KCNH1: variants seen among roughly 807,000 people sequenced by gnomAD.
KCNH1 encodes potassium voltage-gated channel subfamily H member 1.
Under a neutral mutation model 69.2 loss-of-function variants are expected in KCNH1, and 27 were observed. The ratio of observed to expected loss-of-function variants is 0.39; its 90% confidence interval spans 0.29 to 0.54. KCNH1 has a LOEUF of 0.54. Ranked by LOEUF, KCNH1 falls within the 20% of genes least tolerant of loss-of-function variation. KCNH1 has a pLI of 0.68. For synonymous variants in KCNH1, 456 were observed against 487.7 expected, an observed-to-expected ratio of 0.93 and a Z score of 0.86; for missense variants, 798 against 1,261.6, an observed-to-expected ratio of 0.63 and a Z score of 5.57.
At chr1:210,800,784 T>C (rs1684412716) in intron 8 of KCNH1, among the ~76,000 whole-genome samples, 1 of 152,014 alleles carries the variant, frequency 6.6e-6, no homozygotes, top group South Asian at 2.1e-4. Context: ...CTTGAAGGTC[T>C]CAAAGGCCAA....
chr1:211,107,717 T>C (rs1468248772), intron 1 of KCNH1, among the ~76,000 whole-genome samples: 2 of 152,188 alleles, frequency 1.3e-5, no homozygotes, highest in African/African-American at 2.4e-5. Flanking sequence ...GGTATACCAA[T>C]ATTACAGAGC....
chr1:211,124,544 T>C (rs1165118087), intron 1 of KCNH1, among the ~76,000 whole-genome samples: 1 of 151,940 alleles, frequency 6.6e-6, no homozygotes, highest in Non-Finnish European at 1.5e-5. Flanking sequence ...CTCAGAAGGC[T>C]AAGCCAGGGA....
At chr1:210,903,067 C>A (rs1177573742) in intron 7 of KCNH1, among the ~76,000 whole-genome samples, 2 of 152,160 alleles carry the variant, frequency 1.3e-5, no homozygotes, top group African/African-American at 4.8e-5. Flanking sequence ...TCATTCTCCT[C>A]AAATGCACTG....
intron 10 of KCNH1, among the ~76,000 whole-genome samples, chr1:210,734,627 C>T (rs1482413695): frequency 1.3e-5 from 2 of 152,032 alleles, no homozygotes; most frequent in East Asian, 3.9e-4. Flanking sequence ...AGAGGCACGG[C>T]CTTCCTGGGG....
At chr1:211,074,097 TAA>T (rs59971801) in intron 5 of KCNH1, among the ~76,000 whole-genome samples, 17 of 119,732 alleles carry the variant, frequency 1.4e-4, no homozygotes, top group African/African-American at 4.8e-4. Context: ...TTCCACCAAT[TAA>T]AAAAAAAAAA....
At chr1:210,912,608 G>C (rs901617176) in intron 7 of KCNH1, among the ~76,000 whole-genome samples, 3 of 152,178 alleles carry the variant, frequency 2.0e-5, no homozygotes, top group Non-Finnish European at 2.9e-5. Flanking sequence ...AAACACAGGG[G>C]CAGGGAGAGA....
At chr1:210,830,311 T>G (rs1056608094) in intron 7 of KCNH1, among the ~76,000 whole-genome samples, 3 of 152,136 alleles carry the variant, frequency 2.0e-5, no homozygotes, top group Non-Finnish European at 4.4e-5. Context: ...AGTCAAGAGC[T>G]CCTTCCTCAG....
intron 7 of KCNH1, among the ~76,000 whole-genome samples, chr1:210,917,234 A>C (rs1687359460): frequency 1.0e-5 from 1 of 96,752 alleles, no homozygotes; most frequent in Non-Finnish European, 2.2e-5. Context: ...AGAGAGAGAA[A>C]GAAAGAAAGA....
At chr1:210,915,823 G>T (rs1041834274) in intron 7 of KCNH1, among the ~76,000 whole-genome samples, 9 of 152,176 alleles carry the variant, frequency 5.9e-5, no homozygotes, top group Non-Finnish European at 1.0e-4. Flanking sequence ...AGAGCAGACA[G>T]GGGAGGTCAC....
chr1:210,975,913 AAAC>A (rs1354526922), intron 6 of KCNH1, among the ~76,000 whole-genome samples: 1 of 152,242 alleles, frequency 6.6e-6, no homozygotes, highest in African/African-American at 2.4e-5. Flanking sequence ...AGAAAAAAAC[AAAC>A]AACCCCATCA....
intron 6 of KCNH1, among the ~76,000 whole-genome samples, chr1:210,932,137 A>G (rs1359158230): frequency 1.3e-5 from 2 of 152,152 alleles, no homozygotes; most frequent in Admixed American, 1.3e-4. Flanking sequence ...AAGGTCCCCA[A>G]ATAGATTCAA....
At chr1:210,958,054 T>G (rs1688214285) in intron 6 of KCNH1, among the ~76,000 whole-genome samples, 1 of 152,218 alleles carries the variant, frequency 6.6e-6, no homozygotes, top group African/African-American at 2.4e-5. Context: ...GCTGGTACTG[T>G]TGTTCCTTTC....
At chr1:211,123,190 C>T (rs79927235) in intron 1 of KCNH1, among the ~76,000 whole-genome samples, 1 of 152,102 alleles carries the variant, frequency 6.6e-6, no homozygotes, top group Admixed American at 6.5e-5. Context: ...CATGTCCTAC[C>T]CCCTCCACCC....
intron 7 of KCNH1, among the ~76,000 whole-genome samples, chr1:210,856,763 TTGTTATATATATA>T (rs1474652167): frequency 7.3e-6 from 1 of 137,652 alleles, no homozygotes; most frequent in African/African-American, 2.6e-5. Context: ...GAGGAGGTGT[TTGTTATATATATA>T]TGTTATATAT....
At chr1:210,982,383 T>A (rs1407804979) in intron 6 of KCNH1, among the ~76,000 whole-genome samples, 1 of 152,110 alleles carries the variant, frequency 6.6e-6, no homozygotes, top group Non-Finnish European at 1.5e-5. Context: ...ACTCATCATT[T>A]AGCATTAGGT....
intron 7 of KCNH1, among the ~76,000 whole-genome samples, chr1:210,910,362 G>T (rs1687206529): frequency 6.6e-6 from 1 of 152,094 alleles, no homozygotes; most frequent in African/African-American, 2.4e-5. Flanking sequence ...AACAGTCAGA[G>T]GTGGTCATCA....
rs1690273780 is a variant in KCNH1 at position 211,054,859 on chromosome 1, G to A, written c.558+27921C>T. Among the ~76,000 whole-genome samples the A allele has an allele frequency of 2.0e-5, 3 of 151,884 alleles. No homozygotes were observed. In the East Asian group the frequency reaches 5.8e-4, roughly 29 times the overall value. On this transcript the variant is annotated intron_variant, in intron 5 of 10. Coordinates refer to ENST00000271751, the MANE Select transcript of KCNH1 (RefSeq NM_172362.3). ...AGGGAGATAAAAAGGGAAAGAGGGA[G>A]GAGAGAGAAAGGAAGGGATGGTGGA...
At chr1:210,933,370 G>C (rs531187019) in intron 6 of KCNH1, among the ~76,000 whole-genome samples, 9 of 152,050 alleles carry the variant, frequency 5.9e-5, no homozygotes, top group Non-Finnish European at 1.2e-4. Context: ...TTGTGGGGTG[G>C]GGGGAGCGGG....
chr1:210,862,153 A>G, intron 7 of KCNH1: 3 of 1,343,080 alleles, frequency 2.2e-6, no homozygotes, highest in Non-Finnish European at 3.2e-6. Context: ...CTGTTCCGAC[A>G]TAGTAATCTG....
Sources: gnomAD v4.1 joint callset for allele counts (sites outside exome capture counted in the v4.1 genomes callset) on GRCh38, gnomAD v4.1.1 for gene constraint, MANE v1.5 for transcripts, NCBI Gene and HGNC (gene_info 2026-07-23, HGNC 2026-07-21) for gene names.